GINS1: variants seen among roughly 807,000 people sequenced by gnomAD.
GINS1 encodes the protein DNA replication complex GINS protein PSF1.
A neutral mutation model predicts 34.9 loss-of-function variants in GINS1; 26 were observed. The ratio of observed to expected loss-of-function variants is 0.74; its 90% confidence interval spans 0.55 to 1.03. GINS1 has a LOEUF of 1.03. Ranked by LOEUF, GINS1 falls within the 50% of genes least tolerant of loss-of-function variation. The pLI, the probability that GINS1 is intolerant of heterozygous loss-of-function variation, is 0.00. For missense variants in GINS1, 235 were observed against 237.9 expected, an observed-to-expected ratio of 0.99 and a Z score of 0.08; for synonymous variants, 97 against 84.4, an observed-to-expected ratio of 1.15 and a Z score of -0.82.
chr20:25,438,493 ATGACACCAAAGAACAACACTTTT>A (rs1354056416), intron 5 of GINS1, among the ~76,000 whole-genome samples: 16 of 150,962 alleles, frequency 1.1e-4, no homozygotes, highest in Non-Finnish European at 2.1e-4. Context: ...TGAATGCATA[ATGACACCAAAGAACAACACTTTT>A]TTTTTTTTTT....
At position 25,407,820 on chromosome 20, in the gene GINS1, C is replaced by T; in HGVS notation, c.-1C>T. On this transcript the variant is annotated 5_prime_UTR_variant, in exon 1 of 7. Coordinates refer to ENST00000262460, the MANE Select transcript of GINS1 (RefSeq NM_021067.5). ...GGCCGCGGGAGTGGGAAGCGTCCGC[C>T]ATGTTCTGCGAAAAAGCCATGGAAC... 1 of 1,613,638 alleles carries T rather than the reference C, an allele frequency of 6.2e-7. No homozygotes were observed. Among genetic ancestry groups the T allele is most frequent in the Non-Finnish European group, 8.5e-7 (1 of 1,179,640 alleles).
intron 6 of GINS1, among the ~76,000 whole-genome samples, chr20:25,445,588 C>T (rs896528372): frequency 4.6e-5 from 7 of 152,168 alleles, no homozygotes; most frequent in African/African-American, 1.7e-4. Flanking sequence ...ACCTCGTGAT[C>T]CACCCGCCTC....
At chr20:25,431,970 T>C (rs1186109866) in intron 5 of GINS1, among the ~76,000 whole-genome samples, 1 of 151,960 alleles carries the variant, frequency 6.6e-6, no homozygotes, top group Non-Finnish European at 1.5e-5. Flanking sequence ...CGGGTTCAAG[T>C]GATCCTTCCA....
chr20:25,433,227 T>C (rs1393243374), intron 5 of GINS1, among the ~76,000 whole-genome samples: 1 of 152,172 alleles, frequency 6.6e-6, no homozygotes, highest in Non-Finnish European at 1.5e-5. Context: ...ATATGCCTTA[T>C]AACTTTTTTT....
chr20:25,440,010 T>A (rs953786685), intron 5 of GINS1, among the ~76,000 whole-genome samples: 2 of 145,162 alleles, frequency 1.4e-5, no homozygotes, highest in Non-Finnish European at 3.0e-5. Flanking sequence ...AAAAAAAAAA[T>A]GCCAATACTA....
intron 4 of GINS1, among the ~76,000 whole-genome samples, chr20:25,420,140 A>G (rs2090345968): frequency 6.6e-6 from 1 of 150,706 alleles, no homozygotes; most frequent in Non-Finnish European, 1.5e-5. Flanking sequence ...TAAAATATAT[A>G]TATATTTTTT....
intron 5 of GINS1, among the ~76,000 whole-genome samples, chr20:25,428,295 T>A (rs1284860897): frequency 6.6e-6 from 1 of 152,198 alleles, no homozygotes; most frequent in Admixed American, 6.5e-5. Context: ...TACATTTGCA[T>A]TTCGGTCTTT....
intron 5 of GINS1, among the ~76,000 whole-genome samples, chr20:25,428,984 T>A (rs1290567692): frequency 1.5e-4 from 1 of 6,460 alleles, no homozygotes. Context: ...TTTTTTTTTT[T>A]TTTTTTTTTT....
chr20:25,440,992 G>A (rs1272812087), intron 5 of GINS1, among the ~76,000 whole-genome samples: 3 of 152,090 alleles, frequency 2.0e-5, no homozygotes, highest in Non-Finnish European at 2.9e-5. Flanking sequence ...CGTTGCTGGC[G>A]TTGACTCTCC....
intron 3 of GINS1, among the ~76,000 whole-genome samples, 168 bp from the exon 4 acceptor site, chr20:25,417,937 G>A (rs2090331495): frequency 6.6e-6 from 1 of 152,178 alleles, no homozygotes; most frequent in African/African-American, 2.4e-5. Flanking sequence ...GTCACACGTG[G>A]AGGAGTGGAC....
At chr20:25,428,967 C>CTTTTTTT (rs1241187859) in intron 5 of GINS1, among the ~76,000 whole-genome samples, 4 of 114,162 alleles carry the variant, frequency 3.5e-5, no homozygotes, top group East Asian at 2.6e-4. Flanking sequence ...TCATTCCTCT[C>CTTTTTTT]TCTTTTTTTT....
chr20:25,416,050 G>C (rs1327270091), intron 2 of GINS1, among the ~76,000 whole-genome samples: 1 of 152,206 alleles, frequency 6.6e-6, no homozygotes, highest in Admixed American at 6.5e-5. Flanking sequence ...AGTTTGGCAA[G>C]TGGCAAAGGA....
In GINS1 at chr20:25,448,240, T is replaced by A. The variant is rs1220569749; in HGVS notation, c.*2249T>A. On this transcript the variant is annotated 3_prime_UTR_variant, in exon 7 of 7. Coordinates refer to ENST00000262460, the MANE Select transcript of GINS1 (RefSeq NM_021067.5). The stretch of plus-strand genomic sequence containing the variant: ...AATTTATATAAAACTGTTGGGAGAA[T>A]TGACATCTTAATAATATTGAGTCTT... 1 of 152,246 alleles carries A rather than the reference T, an allele frequency of 6.6e-6. No homozygotes were observed. The highest frequency in any genetic ancestry group is 6.5e-5 in the Admixed American group (1 of 15,284). 9.4% of individuals were successfully genotyped at this position (152,246 alleles called of 1,614,324 possible).
chr20:25,440,829 A>AAAG (rs1555834066), intron 5 of GINS1, among the ~76,000 whole-genome samples: 8 of 150,468 alleles, frequency 5.3e-5, no homozygotes, highest in Admixed American at 5.3e-4. Context: ...AAAAAAAAAA[A>AAAG]AAAGAAAGAA....
chr20:25,436,576 ATCTG>A lies in GINS1; in HGVS notation c.448-5122_448-5119del, dbSNP rs138809110. Among the ~76,000 whole-genome samples, 120 of 151,718 alleles carry A rather than the reference ATCTG, an allele frequency of 7.9e-4. 2 individuals carry two copies. In the East Asian group the frequency reaches 0.022, roughly 28 times the overall value. On this transcript the variant is annotated intron_variant, in intron 5 of 6. Transcript: ENST00000262460. ...TTTGCTTGTTCTTCTGCCTGCTCCA[ATCTG>A]TCTTTGAATCCCTCAAGTGAATTTT...
At position 25,418,209 on chromosome 20, in the gene GINS1, G is replaced by T; in HGVS notation, c.330+14G>T. On this transcript the variant is annotated intron_variant, in intron 4 of 6. Transcript: ENST00000262460. The stretch of plus-strand genomic sequence containing the variant: ...GCTGCTGAAGAAGTGAGTTAGCATT[G>T]TTCAAGTTTATAAATTTTGAAAATG... 7.0e-7 allele frequency: 1 copy of T among 1,423,320 alleles called. No individual in the cohort carries two copies. The highest frequency in any genetic ancestry group is 1.0e-6 in the Non-Finnish European group (1 of 1,004,618). 88.2% of individuals were successfully genotyped at this position (1,423,320 alleles called of 1,614,324 possible). A position where few individuals can be genotyped will look rare whatever the true frequency, so the allele number is the denominator to read the frequency against.
rs752802883 is a variant in GINS1 at position 25,441,740 on chromosome 20, T to C, written c.486T>C (p.Asp162=). 1 of 1,569,550 alleles carries C rather than the reference T, an allele frequency of 6.4e-7. No individual in the cohort carries two copies. The highest frequency in any genetic ancestry group is 8.7e-7 in the Non-Finnish European group (1 of 1,146,764). The part of the protein sequence containing the change: ...CLKDYGEFEV[D]DGTSVLLKKN... ...AAGACTATGGAGAATTTGAAGTTGA[T>C]GATGGCACTTCAGTCCTATTAAAAA... Residue 162 remains aspartate, a synonymous_variant, in exon 6 of 7, where the codon GAT becomes GAC. Transcript: ENST00000262460.
chr20:25,435,739 C>T (rs6115183), intron 5 of GINS1, among the ~76,000 whole-genome samples: 60,528 of 127,228 alleles, frequency 0.48, 14,618 homozygotes, highest in East Asian at 0.92. Context: ...CACTCCAGCA[C>T]GGGCAACAGA....
intron 5 of GINS1, among the ~76,000 whole-genome samples, chr20:25,437,215 C>CACTT (rs1365035752): frequency 3.3e-5 from 5 of 152,238 alleles, no homozygotes; most frequent in Non-Finnish European, 7.3e-5. Flanking sequence ...CCCTGGAATT[C>CACTT]ACTTCAGTGG....
Sources: gnomAD v4.1 joint callset for allele counts (sites outside exome capture counted in the v4.1 genomes callset) on GRCh38, gnomAD v4.1.1 for gene constraint, MANE v1.5 for transcripts, NCBI Gene and HGNC (gene_info 2026-07-23, HGNC 2026-07-21) for gene names.